The following HERC2 variants were observed in gnomAD, a reference collection of about 807,000 sequenced individuals.
HERC2 encodes E3 ubiquitin-protein ligase HERC2.
Under a neutral mutation model 537.7 loss-of-function variants are expected in HERC2, and 102 were observed. The observed-to-expected ratio is 0.19, with a 90% CI of 0.16 to 0.22. HERC2 has a LOEUF of 0.22. HERC2 is among the 10% of genes least tolerant of loss of function. HERC2 has a pLI of 1.00. For synonymous variants in HERC2, 2,224 were observed against 2,466.2 expected, an observed-to-expected ratio of 0.90 and a Z score of 2.91; for missense variants, 4,236 against 6,198.2, an observed-to-expected ratio of 0.68 and a Z score of 10.63.
intron 68 of HERC2, among the ~76,000 whole-genome samples, chr15:28,166,537 A>G (rs1022744378): frequency 6.6e-5 from 10 of 152,220 alleles, no homozygotes; most frequent in African/African-American, 2.4e-4. Context: ...AAATCCTACA[A>G]GCCACTAGCA....
At chr15:28,236,151 G>T (rs142146918) in intron 26 of HERC2, among the ~76,000 whole-genome samples, 1 of 152,018 alleles carries the variant, frequency 6.6e-6, no homozygotes, top group Admixed American at 6.5e-5. Flanking sequence ...AGGGTAGACG[G>T]GTAGAGATTC....
chr15:28,304,273 G>C (rs2141230747), intron 2 of HERC2, among the ~76,000 whole-genome samples: 1 of 150,904 alleles, frequency 6.6e-6, no homozygotes, highest in Admixed American at 6.6e-5. Context: ...TCATTTTTTG[G>C]TGGAGTTTTC....
Position 28,125,209 on chromosome 15 carries a change from T to C in HERC2, c.12803-16A>G, listed in dbSNP as rs1470557468. 1.9e-6 allele frequency: 3 copies of C among 1,596,498 alleles called. No homozygotes were observed. The highest frequency in any genetic ancestry group is 2.6e-6 in the Non-Finnish European group (3 of 1,165,002). ...TAAACCTCACCTGAATGAAGTGAAT[T>C]TAGAATCAGAACCTGTATACTAGGG... On this transcript the variant is annotated splice_polypyrimidine_tract_variant and intron_variant, in intron 83 of 92. Coordinates refer to ENST00000261609, the MANE Select transcript of HERC2 (RefSeq NM_004667.6).
intron 2 of HERC2, among the ~76,000 whole-genome samples, chr15:28,308,403 C>T (rs569968243): frequency 2.6e-5 from 4 of 152,300 alleles, no homozygotes; most frequent in African/African-American, 7.2e-5. Flanking sequence ...ATGTTGATTT[C>T]GTATACTGCA....
At chr15:28,287,306 A>C (rs1015356667) in intron 4 of HERC2, among the ~76,000 whole-genome samples, 4 of 152,310 alleles carry the variant, frequency 2.6e-5, no homozygotes, top group East Asian at 3.9e-4. Flanking sequence ...TTAAAGATGG[A>C]GTGGCTCAAG....
chr15:28,124,876 T>C, intron 84 of HERC2, 130 bp downstream of exon 84: 9 of 954,402 alleles, frequency 9.4e-6, no homozygotes, highest in Non-Finnish European at 1.4e-5. Context: ...AAATGCACTG[T>C]GTGGTTAACA....
chr15:28,216,738 T>C (rs1265899825), intron 38 of HERC2, among the ~76,000 whole-genome samples: 2 of 148,424 alleles, frequency 1.3e-5, no homozygotes, highest in East Asian at 2.0e-4. Context: ...TCAGGTGCAC[T>C]CACACCACTG....
intron 17 of HERC2, 80 bp downstream of exon 17, chr15:28,256,981 G>A (rs1464953223): frequency 5.1e-6 from 6 of 1,176,906 alleles, no homozygotes; most frequent in Non-Finnish European, 7.4e-6. Flanking sequence ...TAAAACCCAT[G>A]CCCTTCAAAA....
At chr15:28,227,468 G>GAAAAAAAAAAAAAAAAAAAAAA (rs1220198016) in intron 35 of HERC2, among the ~76,000 whole-genome samples, 2 of 107,122 alleles carry the variant, frequency 1.9e-5, no homozygotes, top group Non-Finnish European at 4.1e-5. Context: ...AAAAAAAAAA[G>GAAAAAAAAAAAAAAAAAAAAAA]AAAAAAAAAA....
In HERC2 at chr15:28,177,169, C is replaced by CTAA; in HGVS notation, c.9255-43_9255-42insTTA. ...TCAGCTCTCTACAGTCAATCTGTCC[C>CTAA]TTCTTAGAGATGAAGGAAAAAAGAC... On this transcript the variant is annotated intron_variant, in intron 60 of 92. Coordinates refer to ENST00000261609, the MANE Select transcript of HERC2 (RefSeq NM_004667.6). This position sits in a 1 kb window ranked among gnomAD's most constrained non-coding sequence, Gnocchi z 5.0. 5.1e-6 allele frequency: 8 copies of CTAA among 1,572,694 alleles called. No individual in the cohort carries two copies. Among genetic ancestry groups the CTAA allele is most frequent in the Non-Finnish European group, 6.9e-6 (8 of 1,154,856 alleles).
intron 70 of HERC2, among the ~76,000 whole-genome samples, chr15:28,151,124 T>C (rs904855741): frequency 1.3e-5 from 2 of 152,242 alleles, no homozygotes; most frequent in Non-Finnish European, 2.9e-5. Context: ...GTAATTATAC[T>C]GATGTTGGCA....
intron 2 of HERC2, among the ~76,000 whole-genome samples, chr15:28,311,301 C>CA (rs1186372604): frequency 2.0e-5 from 3 of 151,962 alleles, no homozygotes; most frequent in African/African-American, 4.8e-5. Context: ...TCGGTCTCTA[C>CA]AAAAAATACA....
At position 28,257,171 on chromosome 15, in the gene HERC2, C is replaced by T. The variant is rs1567080861; in HGVS notation, c.2407G>A (p.Asp803Asn). ...DICSMTFEQLDLLLRQVSEGM... is the reference protein window; with the variant it reads ...DICSMTFEQLNLLLRQVSEGM... ...TCACTCACCTGCCGAAGCAGGAGAT[C>T]CAGCTGCTCAAAAGTCATTGAGCAG... is the stretch of plus-strand genomic sequence containing the variant. Residue 803 changes from aspartate to asparagine, a missense_variant, in exon 17 of 93, where the codon GAT becomes AAT. Transcript: ENST00000261609. 6.2e-7 allele frequency: 1 copy of T among 1,613,894 alleles called. No homozygotes were observed. Among genetic ancestry groups the T allele is most frequent in the Non-Finnish European group, 8.5e-7 (1 of 1,179,802 alleles).
intron 79 of HERC2, among the ~76,000 whole-genome samples, 177 bp from the exon 80 acceptor site, chr15:28,133,007 G>C (rs1890262250): frequency 2.0e-5 from 3 of 151,918 alleles, no homozygotes; most frequent in African/African-American, 7.3e-5. Context: ...CCTGTACAAG[G>C]CCAGAGGACA....
chr15:28,149,536 C>T (rs1223912988), intron 70 of HERC2, among the ~76,000 whole-genome samples: 8 of 151,650 alleles, frequency 5.3e-5, no homozygotes, highest in Admixed American at 3.9e-4. Flanking sequence ...TAACCGAGAA[C>T]GTCACCGAGA....
intron 8 of HERC2, 119 bp downstream of exon 8, chr15:28,272,775 C>T (rs2075772042): frequency 1.5e-6 from 1 of 655,474 alleles, no homozygotes. Context: ...ACATGGTTCT[C>T]CGTACAGAGT....
chr15:28,153,872 C>T (rs114449560), intron 69 of HERC2, among the ~76,000 whole-genome samples: 208 of 152,092 alleles, frequency 1.4e-3, no homozygotes, highest in African/African-American at 4.9e-3. Context: ...CAACGGAGCC[C>T]GGTGGGAGGG....
chr15:28,247,369 G>C (rs1367020758), intron 21 of HERC2, among the ~76,000 whole-genome samples: 1 of 143,536 alleles, frequency 7.0e-6, no homozygotes, highest in Admixed American at 7.0e-5. Flanking sequence ...AAAAAACAAA[G>C]TTAGGCACTT....
chr15:28,236,512 A>C (rs1207206024), intron 26 of HERC2, among the ~76,000 whole-genome samples: 1 of 151,748 alleles, frequency 6.6e-6, no homozygotes, highest in Middle Eastern at 3.2e-3. Context: ...GCTGGTCTTG[A>C]ACTCCTGACC....
Sources: allele counts gnomAD v4.1 joint callset (sites outside exome capture counted in the v4.1 genomes callset), GRCh38; gene constraint gnomAD v4.1.1; non-coding constraint Gnocchi (gnomAD v3.1); transcripts MANE v1.5; gene names NCBI Gene and HGNC (gene_info 2026-07-23, HGNC 2026-07-21).